Variants in NCOA3 observed in about 807,000 individuals in gnomAD.
NCOA3 encodes the protein CBP-interacting protein.
A neutral mutation model predicts 158.8 loss-of-function variants in NCOA3; 51 were observed. That is an observed-to-expected ratio of 0.32 (90% confidence interval 0.26 to 0.41). The LOEUF is 0.41. Ranked by LOEUF, NCOA3 falls within the 10% of genes least tolerant of loss-of-function variation. The probability of loss-of-function intolerance (pLI) is 1.00; values close to 1 mark genes in which losing one functional copy is unlikely to be tolerated. For missense variants in NCOA3, 1,510 were observed against 1,746.6 expected, an observed-to-expected ratio of 0.86 and a Z score of 2.41; for synonymous variants, 537 against 592.4, an observed-to-expected ratio of 0.91 and a Z score of 1.36.
intron 2 of NCOA3, among the ~76,000 whole-genome samples, chr20:47,593,670 T>A (rs886618911): frequency 2.2e-4 from 34 of 152,208 alleles, no homozygotes; most frequent in Non-Finnish European, 4.3e-4. Context: ...TTCATGAAAA[T>A]TTTTAAACCA....
At chr20:47,629,905 G>A (rs1475571988) in intron 8 of NCOA3, among the ~76,000 whole-genome samples, 1 of 152,086 alleles carries the variant, frequency 6.6e-6, no homozygotes, top group Non-Finnish European at 1.5e-5. Flanking sequence ...ATAAAAGTTA[G>A]AAATTACCAA....
intron 14 of NCOA3, 27 bp downstream of exon 14, chr20:47,639,229 G>A (rs1156718639): frequency 6.4e-7 from 1 of 1,551,984 alleles, no homozygotes; most frequent in South Asian, 1.2e-5. Context: ...TAGTATGTAT[G>A]ATTATTTTGG....
At chr20:47,554,358 A>C (rs943411624) in intron 1 of NCOA3, among the ~76,000 whole-genome samples, 1 of 151,500 alleles carries the variant, frequency 6.6e-6, no homozygotes, top group African/African-American at 2.4e-5. Flanking sequence ...TTGCCTGTTC[A>C]CTCTGATGGT....
chr20:47,585,083 CCTCT>C (rs377563343), intron 2 of NCOA3, among the ~76,000 whole-genome samples: 1 of 137,380 alleles, frequency 7.3e-6, no homozygotes, highest in Non-Finnish European at 1.5e-5. Context: ...AGACAGACTC[CCTCT>C]GTCACCCAGG....
At chr20:47,635,288 A>T in intron 10 of NCOA3, 34 bp from the exon 11 acceptor site, 1 of 1,531,676 alleles carries the variant, frequency 6.5e-7, no homozygotes, top group Non-Finnish European at 8.8e-7. Context: ...CATGCTTAGA[A>T]TTTTTTAGTA....
intron 1 of NCOA3, among the ~76,000 whole-genome samples, chr20:47,537,261 G>C (rs1206594579): frequency 6.6e-6 from 1 of 152,098 alleles, no homozygotes; most frequent in Non-Finnish European, 1.5e-5. Flanking sequence ...GTTGGTAAAA[G>C]TAGTGCTTTT....
At chr20:47,638,409 CAAACAAACAGACAGAA>C (rs2086551240) in intron 13 of NCOA3, among the ~76,000 whole-genome samples, 1 of 152,060 alleles carries the variant, frequency 6.6e-6, no homozygotes, top group Non-Finnish European at 1.5e-5. Flanking sequence ...GACTCCGTCT[CAAACAAACAGACAGAA>C]AAACAAAGAT....
In NCOA3 at chr20:47,528,578, G is replaced by C. The variant is rs6018532; in HGVS notation, c.-99+26559G>C. ...ATACAATATATTACTTTTGCATCAA[G>C]TATATACACATACTGTCTTGTCTTT... On this transcript the variant is annotated intron_variant, in intron 1 of 22. Transcript: ENST00000371998. Among the ~76,000 whole-genome samples, 1,100 of 152,070 alleles carry C rather than the reference G, an allele frequency of 7.2e-3. 19 individuals are homozygous for C. Among genetic ancestry groups the C allele is most frequent in the African/African-American group, 0.025 (1,042 of 41,464 alleles).
intron 1 of NCOA3, among the ~76,000 whole-genome samples, chr20:47,511,550 T>TATATATATATATATATACATAC: frequency 9.2e-4 from 48 of 52,260 alleles, no homozygotes; most frequent in Non-Finnish European, 1.6e-3. Context: ...TATATATATA[T>TATATATATATATATATACATAC]ATATATTTCT....
intron 8 of NCOA3, chr20:47,631,240 A>G (rs1219459832): frequency 6.6e-6 from 1 of 152,248 alleles, no homozygotes; most frequent in East Asian, 1.9e-4. Flanking sequence ...TATGCAGATC[A>G]GCAAGGTTCA....
At chr20:47,619,152 C>T (rs1425128517) in intron 2 of NCOA3, among the ~76,000 whole-genome samples, 1 of 152,120 alleles carries the variant, frequency 6.6e-6, no homozygotes, top group East Asian at 1.9e-4. Context: ...AGGCCCCTTA[C>T]TCCTTACTGA....
intron 2 of NCOA3, among the ~76,000 whole-genome samples, chr20:47,600,983 G>A (rs1275554023): frequency 1.3e-5 from 2 of 152,128 alleles, no homozygotes; most frequent in Non-Finnish European, 2.9e-5. Context: ...TATTATTAAA[G>A]TCAAAGAATG....
rs1166777115 is a variant in NCOA3, at chr20:47,505,003, G to GTTTTTTTTTTTTTTTTTTTTTTTTT, written c.-99+2986_-99+3010dup. On this transcript the variant is annotated intron_variant, in intron 1 of 22. Coordinates refer to ENST00000371998, the MANE Select transcript of NCOA3 (RefSeq NM_181659.3). ...TAAAATAAATGGCTTTGGGTTTTTG[G>GTTTTTTTTTTTTTTTTTTTTTTTTT]TTTTTTTTTTTTTTTTTTTTTTTTT... Among the ~76,000 whole-genome samples, 3 of 28,550 alleles carry GTTTTTTTTTTTTTTTTTTTTTTTTT rather than the reference G, an allele frequency of 1.1e-4. 1 individual carries two copies. Among genetic ancestry groups the GTTTTTTTTTTTTTTTTTTTTTTTTT allele is most frequent in the African/African-American group, 3.6e-4 (2 of 5,530 alleles). 18.7% of individuals were successfully genotyped at this position (28,550 alleles called of 152,430 possible).
chr20:47,596,662 T>C (rs142074307), intron 2 of NCOA3, among the ~76,000 whole-genome samples: 17 of 152,318 alleles, frequency 1.1e-4, no homozygotes, highest in African/African-American at 4.1e-4. Flanking sequence ...CTTGGCTTAC[T>C]GCAGCCTCTG....
Position 47,636,235 on chromosome 20 carries a change from G to A in NCOA3, c.1849G>A (p.Gly617Ser), listed in dbSNP as rs765672674. Residue 617 changes from glycine to serine, a missense_variant, in exon 12 of 23, where the codon GGT (glycine) becomes AGT (serine). This residue lies in a region of NCOA3 where 1,017 missense variants were observed against 1,098.3 expected (regional missense o/e 0.93). Transcript: ENST00000371998. Reference protein sequence around the residue: ...ENQRGPLESKGHKKLLQLLTC... With the variant: ...ENQRGPLESKSHKKLLQLLTC... ...TCAAAGGGGTCCTTTGGAAAGCAAAGGTCATAAAAAATTACTGCAGTTACT... is the reference window on the plus strand; with the variant it reads ...TCAAAGGGGTCCTTTGGAAAGCAAAAGTCATAAAAAATTACTGCAGTTACT... 1 of 1,614,102 alleles carries A rather than the reference G, an allele frequency of 6.2e-7. No individual in the cohort carries two copies. The highest frequency in any genetic ancestry group is 1.1e-5 in the South Asian group (1 of 91,082).
At chr20:47,515,685 A>T (rs1249804384) in intron 1 of NCOA3, among the ~76,000 whole-genome samples, 2 of 151,690 alleles carry the variant, frequency 1.3e-5, no homozygotes, top group Admixed American at 6.6e-5. Flanking sequence ...GGATTTCACT[A>T]TGTTGGCTGG....
chr20:47,637,485 G>C (rs747931512), intron 12 of NCOA3, among the ~76,000 whole-genome samples, 163 bp from the exon 13 acceptor site: 1 of 152,226 alleles, frequency 6.6e-6, no homozygotes, highest in Non-Finnish European at 1.5e-5. Flanking sequence ...GAAGATTAGA[G>C]ATGGGGGTCA....
intron 2 of NCOA3, among the ~76,000 whole-genome samples, chr20:47,620,428 C>T (rs1428435892): frequency 6.6e-6 from 1 of 152,160 alleles, no homozygotes; most frequent in African/African-American, 2.4e-5. Context: ...AAAATCAAAA[C>T]CGAACATACC....
chr20:47,652,804 G>A (rs772702208), intron 21 of NCOA3, 127 bp from the exon 22 acceptor site: 20 of 1,149,660 alleles, frequency 1.7e-5, no homozygotes, highest in Non-Finnish European at 2.5e-5. Flanking sequence ...AGGCTGTCAG[G>A]GAGTTTTCTC....
Sources: gnomAD v4.1 joint callset for allele counts (sites outside exome capture counted in the v4.1 genomes callset) on GRCh38, gnomAD v4.1.1 for gene constraint, gnomAD v4.1.1 regional missense constraint, MANE v1.5 for transcripts, NCBI Gene and HGNC (gene_info 2026-07-23, HGNC 2026-07-21) for gene names.